Variants in CC2D2B observed in about 807,000 individuals in gnomAD.
CC2D2B encodes the protein coiled-coil and C2 domain containing 2B.
A neutral mutation model predicts 161.2 loss-of-function variants in CC2D2B; 128 were observed. That is an observed-to-expected ratio of 0.79 (90% CI 0.69 to 0.92). The LOEUF is 0.92. CC2D2B is among the 40% of genes least tolerant of loss of function. CC2D2B has a pLI of 0.00. For missense variants in CC2D2B, 1,173 were observed against 1,375.1 expected (o/e 0.85, Z 2.32); for synonymous variants, 391 against 449.8 (o/e 0.87, Z 1.65).
At chr10:95,957,604 A>C (rs978486120) in intron 11 of CC2D2B, among the ~76,000 whole-genome samples, 3 of 122,806 alleles carry the variant, frequency 2.4e-5, no homozygotes, top group Non-Finnish European at 4.7e-5. Flanking sequence ...TCTGTCATCC[A>C]GGCTAGAGTG....
intron 30 of CC2D2B, 68 bp from the exon 31 acceptor site, chr10:96,019,135 A>C (rs2079341353): frequency 1.5e-6 from 2 of 1,303,806 alleles, no homozygotes; most frequent in African/African-American, 3.0e-5. Flanking sequence ...TAGAATCATC[A>C]CAGTATAATT....
rs1266335941 is a variant in CC2D2B at position 96,015,947 on chromosome 10, G to A, written c.3517-254G>A. Among the ~76,000 whole-genome samples, 10 of 152,104 alleles carry A rather than the reference G, an allele frequency of 6.6e-5. 1 individual carries two copies. Among genetic ancestry groups the A allele is most frequent in the Admixed American group, 6.6e-4 (10 of 15,260 alleles). On this transcript the variant is annotated intron_variant, in intron 29 of 34. Coordinates refer to ENST00000646931, the MANE Select transcript of CC2D2B (RefSeq NM_001349008.3). The stretch of plus-strand genomic sequence containing the variant: ...ATCCCATTTTGGGTATAAATTGTCT[G>A]GTCACTCTATACAATATCTACATTA...
intron 32 of CC2D2B, chr10:96,020,715 T>G (rs902566172): frequency 6.6e-6 from 1 of 152,092 alleles, no homozygotes; most frequent in Non-Finnish European, 1.5e-5. Context: ...ACCTCACTCA[T>G]AATCAAGTAA....
chr10:95,924,475 C>G (rs943348697), intron 4 of CC2D2B, 85 bp downstream of exon 4: 1 of 726,678 alleles, frequency 1.4e-6, no homozygotes, highest in Non-Finnish European at 2.2e-6. Flanking sequence ...GTCAAAAGAG[C>G]CGAAATTCAG....
intron 33 of CC2D2B, among the ~76,000 whole-genome samples, chr10:96,025,182 TATA>T (rs1564684174): frequency 5.9e-4 from 8 of 13,576 alleles, no homozygotes; most frequent in African/African-American, 2.4e-3. Context: ...TATATATATA[TATA>T]AAAAAAAATA....
intron 6 of CC2D2B, among the ~76,000 whole-genome samples, chr10:95,929,774 T>C (rs746995393): frequency 2.0e-5 from 3 of 152,212 alleles, no homozygotes; most frequent in Non-Finnish European, 2.9e-5. Flanking sequence ...TTGGTACCAG[T>C]ACCATGCTGT....
chr10:96,012,291 A>G lies in CC2D2B; in HGVS notation c.3152A>G (p.Glu1051Gly). The G allele has an allele frequency of 1.4e-6, 1 of 714,314 alleles. No homozygotes were observed. Among genetic ancestry groups the G allele is most frequent in the Non-Finnish European group, 2.6e-6 (1 of 384,504 alleles). 44.2% of individuals were successfully genotyped at this position (714,314 alleles called of 1,614,324 possible). ...KEDSNEQNLK[E>G]CTFLNIFATI... is the part of the protein sequence containing the mutation. ...GATTCCAATGAGCAGAATTTAAAAG[A>G]ATGTACATTCTTAAATATTTTTGCT... The change falls in exon 27 of 35, where the codon GAA (glutamate) becomes GGA (glycine). Residue 1051 changes from glutamate (E) to glycine (G), a missense_variant. Coordinates refer to ENST00000646931, the MANE Select transcript of CC2D2B (RefSeq NM_001349008.3).
At position 96,031,939 on chromosome 10, in the gene CC2D2B, C is replaced by T. The variant is rs1173073339; in HGVS notation, c.4245C>T (p.Tyr1415=). The T allele has an allele frequency of 1.9e-6, 3 of 1,613,746 alleles. No homozygotes were observed. The highest frequency in any genetic ancestry group is 2.2e-5 in the East Asian group (1 of 44,884). The stretch of plus-strand genomic sequence containing the variant: ...AGACAGAATTTGCTTTAGCTGTATA[C>T]ATTCACCCATACCCAAACAACATAT... ...FPQTEFALAV[Y]IHPYPNNILS... The change falls in exon 35 of 35, where the codon TAC becomes TAT. Residue 1415 remains tyrosine, a synonymous_variant. Transcript: ENST00000646931.
chr10:95,938,685 C>G lies in CC2D2B; in HGVS notation c.652C>G (p.Arg218Gly). Residue 218 changes from arginine to glycine, a missense_variant, in exon 8 of 35, where the codon CGC (arginine) becomes GGC (glycine). Physicochemically the swap from Arg to Gly is moderately radical, Grantham distance 125. This residue lies in a region of CC2D2B where 298 missense variants were observed against 261.2 expected (regional missense o/e 1.14). Coordinates refer to ENST00000646931, the MANE Select transcript of CC2D2B (RefSeq NM_001349008.3). ...AAAGACCTGCAACAAAATGGAAAAT[C>G]GCCTGCTTAAACTAGAAGAGGCAAG... Reference protein sequence around the residue: ...YKKTCNKMENRLLKLEEGKCW... With the variant: ...YKKTCNKMENGLLKLEEGKCW... The G allele has an allele frequency of 1.4e-6, 1 of 712,786 alleles. No homozygotes were observed. The highest frequency in any genetic ancestry group is 2.6e-6 in the Non-Finnish European group (1 of 383,474). 44.2% of individuals were successfully genotyped at this position (712,786 alleles called of 1,614,324 possible).
chr10:96,019,755 T>C lies in CC2D2B; in HGVS notation c.3819T>C (p.Tyr1273=), dbSNP rs2079372535. 6.2e-7 allele frequency: 1 copy of C among 1,603,814 alleles called. No homozygotes were observed. The highest frequency in any genetic ancestry group is 8.5e-7 in the Non-Finnish European group (1 of 1,177,076). ...NNTPMAVFFD[Y]SKESFWKQLL... Reference sequence around the variant, plus strand: ...CACCAATGGCTGTATTTTTTGACTATTCAAAGGAAAGTTTCTGGAAGCAGT... The same window carrying C: ...CACCAATGGCTGTATTTTTTGACTACTCAAAGGAAAGTTTCTGGAAGCAGT... Residue 1273 remains tyrosine (Y), a synonymous_variant, in exon 32 of 35, where the codon TAT becomes TAC. Coordinates refer to ENST00000646931, the MANE Select transcript of CC2D2B (RefSeq NM_001349008.3).
chr10:96,017,946 CA>C (rs2079278471), intron 30 of CC2D2B, among the ~76,000 whole-genome samples: 1 of 152,188 alleles, frequency 6.6e-6, no homozygotes, highest in East Asian at 1.9e-4. Context: ...CACACACAGA[CA>C]AAAAACCCAG....
chr10:96,016,345 T>A (rs765555385), intron 30 of CC2D2B, 31 bp downstream of exon 30: 3 of 1,382,602 alleles, frequency 2.2e-6, no homozygotes, highest in African/African-American at 2.8e-5. Context: ...TGAAATAATG[T>A]AAGCAAAAGG....
At chr10:95,923,419 G>A (rs1232107051) in intron 3 of CC2D2B, among the ~76,000 whole-genome samples, 3 of 152,304 alleles carry the variant, frequency 2.0e-5, no homozygotes, top group African/African-American at 7.2e-5. Context: ...GCTGGAAAAA[G>A]TAGGGGTCAG....
chr10:95,955,547 A>C, intron 11 of CC2D2B, 56 bp downstream of exon 11: 3 of 397,264 alleles, frequency 7.6e-6, no homozygotes, highest in Non-Finnish European at 8.9e-6. Context: ...TTCTTTAGAC[A>C]AAGTACTGCA....
chr10:95,937,049 T>TA (rs1461086892), intron 6 of CC2D2B, among the ~76,000 whole-genome samples: 1 of 152,178 alleles, frequency 6.6e-6, no homozygotes, highest in Non-Finnish European at 1.5e-5. Context: ...TTTCTGGATA[T>TA]AAAATATTAT....
Position 95,961,594 on chromosome 10 carries a change from G to A in CC2D2B, c.1110-235G>A, listed in dbSNP as rs377408795. ...CTTTCTCAGAAGCATTTGCATTTTAGCAGGGCACTTTTGAATAGTGAAAAG... is the reference window on the plus strand; with the variant it reads ...CTTTCTCAGAAGCATTTGCATTTTAACAGGGCACTTTTGAATAGTGAAAAG... On this transcript the variant is annotated intron_variant, in intron 11 of 34. Coordinates refer to ENST00000646931, the MANE Select transcript of CC2D2B (RefSeq NM_001349008.3). 2.0e-4 allele frequency: 60 copies of A among 306,676 alleles called. No individual in the cohort carries two copies. In the South Asian group the frequency reaches 2.7e-3, roughly 14 times the overall value. 19.0% of individuals were successfully genotyped at this position (306,676 alleles called of 1,614,324 possible).
At position 95,938,117 on chromosome 10, in the gene CC2D2B, G is replaced by T. The variant is rs745372380; in HGVS notation, c.463G>T (p.Ala155Ser). The T allele has an allele frequency of 4.5e-6, 7 of 1,549,800 alleles. No homozygotes were observed. The East Asian group carries it at 1.5e-4, about 33-fold the overall frequency. The change falls in exon 7 of 35, where the codon GCT becomes TCT. Residue 155 changes from alanine (A) to serine (S), a missense_variant. Physicochemically the swap from Ala to Ser is moderately conservative, Grantham distance 99. Coordinates refer to ENST00000646931, the MANE Select transcript of CC2D2B (RefSeq NM_001349008.3). ...ILTDILKVKA[A>S]DYEDDQEQIK... ...GACAGATATACTCAAAGTAAAAGCTGCTGACTATGAAGATGATCAAGAACA... is the reference window on the plus strand; with the variant it reads ...GACAGATATACTCAAAGTAAAAGCTTCTGACTATGAAGATGATCAAGAACA...
At chr10:95,928,011 T>C (rs2098542631) in intron 6 of CC2D2B, among the ~76,000 whole-genome samples, 1 of 152,172 alleles carries the variant, frequency 6.6e-6, no homozygotes, top group Non-Finnish European at 1.5e-5. Context: ...TACAGTTTTC[T>C]TGAGCCCTCT....
In CC2D2B at chr10:96,033,036, T is replaced by C. The variant is rs891987909; in HGVS notation, c.*1028T>C. Among the ~76,000 whole-genome samples the C allele has an allele frequency of 1.3e-5, 2 of 152,194 alleles. No individual in the cohort carries two copies. Among genetic ancestry groups the C allele is most frequent in the Admixed American group, 1.3e-4 (2 of 15,266 alleles). On this transcript the variant is annotated 3_prime_UTR_variant, in exon 35 of 35. Transcript: ENST00000646931. Reference sequence around the variant, plus strand: ...AATGTGTTTATATAATTTACTTACATATGACAAAATAACTTATCAAAAAGA... The same window carrying C: ...AATGTGTTTATATAATTTACTTACACATGACAAAATAACTTATCAAAAAGA...
Sources: allele counts gnomAD v4.1 joint callset (sites outside exome capture counted in the v4.1 genomes callset), GRCh38; gene constraint gnomAD v4.1.1; regional missense constraint gnomAD v4.1.1; transcripts MANE v1.5; gene names NCBI Gene and HGNC (gene_info 2026-07-23, HGNC 2026-07-21).